The following SH2B2 variants were observed in gnomAD, a reference collection of about 807,000 sequenced individuals.
The protein encoded by SH2B2 is SH2B adapter protein 2.
In SH2B2, 37 loss-of-function variants were observed where a neutral mutation model predicts 35.7. That is an observed-to-expected ratio of 1.04 (90% confidence interval 0.80 to 1.36). The LOEUF (loss-of-function observed/expected upper bound fraction) is 1.36, where lower values mean the gene tolerates loss of function less well. SH2B2 is among the 40% of genes most tolerant of loss of function. The pLI is 0.00. For synonymous variants in SH2B2, 383 were observed against 376.4 expected (o/e 1.02, Z -0.20); for missense variants, 852 against 817.7 (o/e 1.04, Z -0.51).
Position 102,287,060 on chromosome 7 carries a change from C to T in SH2B2, c.-64C>T, listed in dbSNP as rs1297927068. ...CGGTCCGGGCAGCGCTCAGCCGGCGCCCCAGCCCGCTCGGCCGCAGCTGCG... is the reference window on the plus strand; with the variant it reads ...CGGTCCGGGCAGCGCTCAGCCGGCGTCCCAGCCCGCTCGGCCGCAGCTGCG... On this transcript the variant is annotated 5_prime_UTR_variant, in exon 1 of 9. Transcript: ENST00000444095. The T allele has an allele frequency of 2.0e-5, 3 of 151,750 alleles. No homozygotes were observed. Among genetic ancestry groups the T allele is most frequent in the Non-Finnish European group, 4.4e-5 (3 of 67,912 alleles). 9.4% of individuals were successfully genotyped at this position (151,750 alleles called of 1,614,324 possible).
At chr7:102,313,050 ACC>A (rs1793684546) in intron 4 of SH2B2, among the ~76,000 whole-genome samples, 2 of 141,822 alleles carry the variant, frequency 1.4e-5, no homozygotes, top group Non-Finnish European at 3.0e-5. Flanking sequence ...AATTGCTTGA[ACC>A]CCCGGGAGGC....
At chr7:102,288,246 C>G (rs183413236) in intron 1 of SH2B2, among the ~76,000 whole-genome samples, 84 of 152,048 alleles carry the variant, frequency 5.5e-4, no homozygotes, top group Non-Finnish European at 2.2e-4. Context: ...GGCCTCCCCA[C>G]TCCACGCAGG....
chr7:102,301,537 CGTGTGTGTGTGTGTGTGTGTCCGTGT>C lies in SH2B2; in HGVS notation c.729+278_729+303del, dbSNP rs1296967732. Among the ~76,000 whole-genome samples, 28 of 148,190 alleles carry C rather than the reference CGTGTGTGTGTGTGTGTGTGTCCGTGT, an allele frequency of 1.9e-4. No individual in the cohort carries two copies. In the East Asian group the frequency reaches 4.1e-3, roughly 22 times the overall value. On this transcript the variant is annotated intron_variant, in intron 2 of 8. Coordinates refer to ENST00000444095, the MANE Select transcript of SH2B2 (RefSeq NM_001359228.2). ...TTCTGGGGCACTAATTTTTTCTTTTCGTGTGTGTGTGTGTGTGTGTCCGTGTGTGTGTGTGTGTGTGTGTGCGCGCG... is the reference window on the plus strand; with the variant it reads ...TTCTGGGGCACTAATTTTTTCTTTTCGTGTGTGTGTGTGTGTGTGCGCGCG...
chr7:102,299,552 G>A (rs1793066101), intron 1 of SH2B2, among the ~76,000 whole-genome samples: 1 of 152,102 alleles, frequency 6.6e-6, no homozygotes, highest in African/African-American at 2.4e-5. Context: ...TTTAGAGGAA[G>A]TAAGATCAGG....
At chr7:102,301,561 TGTGTGTGTGTGTGTGTGTGTGCGCGCGC>T (rs1325096515) in intron 2 of SH2B2, among the ~76,000 whole-genome samples, 2 of 128,584 alleles carry the variant, frequency 1.6e-5, no homozygotes, top group East Asian at 2.0e-4. Flanking sequence ...TGTGTGTCCG[TGTGTGTGTGTGTGTGTGTGTGCGCGCGC>T]GTGTGTGTGT....
intron 1 of SH2B2, among the ~76,000 whole-genome samples, chr7:102,295,224 G>C (rs912403690): frequency 5.9e-5 from 9 of 152,200 alleles, no homozygotes; most frequent in Admixed American, 3.3e-4. Flanking sequence ...CCATGTGGGG[G>C]CATAATCATC....
intron 1 of SH2B2, among the ~76,000 whole-genome samples, chr7:102,294,263 A>G (rs999413632): frequency 6.6e-6 from 1 of 152,102 alleles, no homozygotes; most frequent in African/African-American, 2.4e-5. Context: ...CCTGAGCTCA[A>G]GTGATCTACC....
chr7:102,290,527 A>G lies in SH2B2; in HGVS notation c.-30+3433A>G, dbSNP rs371232849. Among the ~76,000 whole-genome samples the G allele has an allele frequency of 6.6e-5, 10 of 152,168 alleles. No homozygotes were observed. In the East Asian group the frequency reaches 9.7e-4, roughly 15 times the overall value. ...TGATCCGCCCTCCTCGGCCTCCCAAAGTGCTGGGATTACAGGTGTGAGCCA... is the reference window on the plus strand; with the variant it reads ...TGATCCGCCCTCCTCGGCCTCCCAAGGTGCTGGGATTACAGGTGTGAGCCA... On this transcript the variant is annotated intron_variant, in intron 1 of 8. Coordinates refer to ENST00000444095, the MANE Select transcript of SH2B2 (RefSeq NM_001359228.2).
At chr7:102,312,018 C>T (rs1586596154) in intron 4 of SH2B2, among the ~76,000 whole-genome samples, 1 of 149,312 alleles carries the variant, frequency 6.7e-6, no homozygotes, top group Non-Finnish European at 1.5e-5. Context: ...GCGGAGGTTG[C>T]AGTGAGCTGA....
At chr7:102,313,847 G>A (rs1793716011) in intron 4 of SH2B2, among the ~76,000 whole-genome samples, 1 of 152,096 alleles carries the variant, frequency 6.6e-6, no homozygotes, top group African/African-American at 2.4e-5. Flanking sequence ...AGGAGGCAGA[G>A]GCAAAGTGAG....
At chr7:102,303,203 G>A (rs1415692702) in intron 2 of SH2B2, among the ~76,000 whole-genome samples, 1 of 151,082 alleles carries the variant, frequency 6.6e-6, no homozygotes, top group African/African-American at 2.4e-5. Flanking sequence ...GGCAGCAAGA[G>A]CGAAACTCTG....
chr7:102,297,211 C>G lies in SH2B2; in HGVS notation c.-29-3311C>G, dbSNP rs1554552620. Among the ~76,000 whole-genome samples, 3 of 152,116 alleles carry G rather than the reference C, an allele frequency of 2.0e-5. No homozygotes were observed. The highest frequency in any genetic ancestry group is 7.2e-5 in the African/African-American group (3 of 41,408). On this transcript the variant is annotated intron_variant, in intron 1 of 8. Transcript: ENST00000444095. This position sits in a 1 kb window ranked among gnomAD's most constrained non-coding sequence, Gnocchi z 4.3. ...TATCCCTTTGTCTGGCATATCCGCA[C>G]TCTGGATACGACCCGCTCGCCACTT...
intron 1 of SH2B2, among the ~76,000 whole-genome samples, chr7:102,289,066 C>A (rs1792570809): frequency 6.6e-6 from 1 of 152,180 alleles, no homozygotes; most frequent in Admixed American, 6.5e-5. Flanking sequence ...CGTTTTATGG[C>A]TATGCTCTGT....
chr7:102,304,863 G>T (rs1382197447), intron 2 of SH2B2, among the ~76,000 whole-genome samples: 2 of 152,262 alleles, frequency 1.3e-5, no homozygotes, highest in East Asian at 3.8e-4. Flanking sequence ...ACAGGGGCCA[G>T]TTCTTCCTGG....
At chr7:102,305,292 G>A (rs563477531) in intron 2 of SH2B2, among the ~76,000 whole-genome samples, 7 of 151,984 alleles carry the variant, frequency 4.6e-5, no homozygotes, top group Admixed American at 4.6e-4. Flanking sequence ...TTGAGACAGG[G>A]TGTCACTCTG....
chr7:102,300,961 G>A lies in SH2B2; in HGVS notation c.411G>A (p.Leu137=). The A allele has an allele frequency of 6.7e-7, 1 of 1,487,460 alleles. No homozygotes were observed. The highest frequency in any genetic ancestry group is 8.9e-7 in the Non-Finnish European group (1 of 1,121,186). 92.1% of individuals were successfully genotyped at this position (1,487,460 alleles called of 1,614,324 possible). The change falls in exon 2 of 9, where the codon CTG becomes CTA. Residue 137 remains leucine (L), a synonymous_variant. Transcript: ENST00000444095. ...CCCGCGTTCGCAAGGGCTTCTCGCTGCGCAACATGAGCCTGTGCGTGGTGG... is the reference window on the plus strand; with the variant it reads ...CCCGCGTTCGCAAGGGCTTCTCGCTACGCAACATGAGCCTGTGCGTGGTGG... The part of the protein sequence containing the change: ...TKARVRKGFS[L]RNMSLCVVDG...
chr7:102,318,367 G>C (rs1298740424), intron 7 of SH2B2, among the ~76,000 whole-genome samples: 14 of 152,312 alleles, frequency 9.2e-5, no homozygotes, highest in Non-Finnish European at 1.5e-5. Flanking sequence ...TCAAACTCCT[G>C]ACCTCAGGTG....
chr7:102,301,332 G>A (rs1793183725), intron 2 of SH2B2, 53 bp downstream of exon 2: 1 of 1,538,548 alleles, frequency 6.5e-7, no homozygotes. Context: ...GAGGCACCTG[G>A]GCAGCAGCTG....
chr7:102,302,657 G>A (rs1352949995), intron 2 of SH2B2, among the ~76,000 whole-genome samples: 9 of 152,372 alleles, frequency 5.9e-5, no homozygotes, highest in Middle Eastern at 3.4e-3. Flanking sequence ...CCACCCCAGC[G>A]AGGTGAGCAC....
Sources: allele counts gnomAD v4.1 joint callset (sites outside exome capture counted in the v4.1 genomes callset), GRCh38; gene constraint gnomAD v4.1.1; non-coding constraint Gnocchi (gnomAD v3.1); transcripts MANE v1.5; gene names NCBI Gene and HGNC (gene_info 2026-07-23, HGNC 2026-07-21).